The following LRRTM4 variants were observed in gnomAD, a reference collection of about 807,000 sequenced individuals.
LRRTM4 encodes the protein leucine-rich repeat transmembrane neuronal protein 4.
A neutral mutation model predicts 47.6 loss-of-function variants in LRRTM4; 25 were observed. The observed-to-expected ratio is 0.53, with a 90% CI of 0.38 to 0.73. The LOEUF is 0.73. Ranked by LOEUF, LRRTM4 falls within the 30% of genes least tolerant of loss-of-function variation. LRRTM4 has a pLI of 0.00. For missense variants in LRRTM4, 638 were observed against 713.4 expected (o/e 0.89, Z 1.20); for synonymous variants, 311 against 269.5 (o/e 1.15, Z -1.51).
intron 3 of LRRTM4, among the ~76,000 whole-genome samples, chr2:77,242,531 C>T (rs1675298405): frequency 6.6e-6 from 1 of 151,932 alleles, no homozygotes; most frequent in African/African-American, 2.4e-5. Context: ...CTCTAAAATA[C>T]ATACAAATGA....
At chr2:76,764,519 T>G (rs575832552) in intron 3 of LRRTM4, among the ~76,000 whole-genome samples, 2 of 152,158 alleles carry the variant, frequency 1.3e-5, no homozygotes, top group South Asian at 4.1e-4. Context: ...TAGTCCCAGC[T>G]ACTCCGGAGG....
chr2:76,810,269 G>A (rs1670694298), intron 3 of LRRTM4, among the ~76,000 whole-genome samples: 1 of 151,970 alleles, frequency 6.6e-6, no homozygotes, highest in Admixed American at 6.6e-5. Flanking sequence ...CGTCTTAAGG[G>A]TAAATTCTAA....
chr2:77,091,639 AT>A (rs1308012344), intron 3 of LRRTM4, among the ~76,000 whole-genome samples: 3 of 148,068 alleles, frequency 2.0e-5, no homozygotes, highest in Non-Finnish European at 4.5e-5. Flanking sequence ...TTTCTTTACT[AT>A]TCCTTTGCAC....
At chr2:76,876,905 A>T (rs184389981) in intron 3 of LRRTM4, among the ~76,000 whole-genome samples, 1 of 152,268 alleles carries the variant, frequency 6.6e-6, no homozygotes, top group East Asian at 1.9e-4. Context: ...TGATGAAGTG[A>T]GAGTCACACT....
intron 3 of LRRTM4, among the ~76,000 whole-genome samples, chr2:76,760,327 G>T (rs1186584355): frequency 6.6e-6 from 1 of 152,084 alleles, no homozygotes; most frequent in East Asian, 1.9e-4. Context: ...AGTCTAATAT[G>T]GAATACAAAG....
chr2:76,774,175 G>A (rs112610732), intron 3 of LRRTM4, among the ~76,000 whole-genome samples: 4 of 146,160 alleles, frequency 2.7e-5, no homozygotes, highest in Non-Finnish European at 4.6e-5. Context: ...AAAGAAAAGG[G>A]AACTTTTTTT....
intron 3 of LRRTM4, among the ~76,000 whole-genome samples, chr2:77,239,248 A>G (rs1235440183): frequency 6.6e-6 from 1 of 151,986 alleles, no homozygotes; most frequent in African/African-American, 2.4e-5. Context: ...TGCATACTAC[A>G]TGGAGCTTAA....
intron 3 of LRRTM4, among the ~76,000 whole-genome samples, chr2:76,837,238 A>G (rs1012877649): frequency 6.6e-6 from 1 of 151,720 alleles, no homozygotes; most frequent in African/African-American, 2.4e-5. Context: ...TATCCCCTTT[A>G]TCATTTTTTA....
chr2:76,992,756 T>C (rs10196630), intron 3 of LRRTM4, among the ~76,000 whole-genome samples: 75,589 of 149,958 alleles, frequency 0.5, 19,712 homozygotes, highest in African/African-American at 0.64. Flanking sequence ...TCATTTTTTA[T>C]AGAATTAGAA....
chr2:76,880,937 T>TGGGAAG (rs971695306), intron 3 of LRRTM4, among the ~76,000 whole-genome samples: 2 of 152,076 alleles, frequency 1.3e-5, no homozygotes, highest in African/African-American at 4.8e-5. Context: ...TACAAGAGTC[T>TGGGAAG]GGGAAGGGTA....
chr2:76,987,667 A>T (rs1446093811), intron 3 of LRRTM4, among the ~76,000 whole-genome samples: 1 of 151,960 alleles, frequency 6.6e-6, no homozygotes, highest in African/African-American at 2.4e-5. Flanking sequence ...AATGTATTTT[A>T]GAGTTTTAAG....
chr2:77,376,957 T>C (rs1267709561), intron 3 of LRRTM4, among the ~76,000 whole-genome samples: 1 of 151,918 alleles, frequency 6.6e-6, no homozygotes, highest in East Asian at 1.9e-4. Flanking sequence ...GGGAGATTTG[T>C]CTCTTTCTCC....
rs550061832 is a variant in LRRTM4 at position 77,315,411 on chromosome 2, TATAG to T, written c.1551+202903_1551+202906del. Reference sequence around the variant, plus strand: ...TAACTCATATAACATACATAACTAGTATAGATAGTTTTTGTCACTGAAGGTTTTA... The same window carrying T: ...TAACTCATATAACATACATAACTAGTATAGTTTTTGTCACTGAAGGTTTTA... On this transcript the variant is annotated intron_variant, in intron 3 of 3. Transcript: ENST00000409884. Among the ~76,000 whole-genome samples the T allele has an allele frequency of 5.3e-5, 8 of 152,266 alleles. No homozygotes were observed. In the East Asian group the frequency reaches 9.6e-4, roughly 18 times the overall value.
intron 3 of LRRTM4, among the ~76,000 whole-genome samples, chr2:76,796,019 C>T (rs373600336): frequency 8.0e-6 from 1 of 124,368 alleles, no homozygotes; most frequent in Non-Finnish European, 1.7e-5. Flanking sequence ...CAAGGGGTCA[C>T]GGAGTTCCCT....
At chr2:77,474,620 T>C (rs1241383260) in intron 3 of LRRTM4, among the ~76,000 whole-genome samples, 1 of 152,140 alleles carries the variant, frequency 6.6e-6, no homozygotes, top group Non-Finnish European at 1.5e-5. Context: ...TACCAAATTG[T>C]TAAAAGAAAA....
At chr2:77,056,451 T>C (rs558076526) in intron 3 of LRRTM4, among the ~76,000 whole-genome samples, 1 of 152,120 alleles carries the variant, frequency 6.6e-6, no homozygotes, top group East Asian at 1.9e-4. Context: ...ATATCTAAAA[T>C]ACAAAGTAGG....
At chr2:77,505,272 C>T (rs559593312) in intron 3 of LRRTM4, among the ~76,000 whole-genome samples, 5 of 150,870 alleles carry the variant, frequency 3.3e-5, no homozygotes, top group African/African-American at 9.7e-5. Flanking sequence ...ATATTCCTCA[C>T]CAAAAAAAGA....
At chr2:77,250,834 T>C (rs1372981945) in intron 3 of LRRTM4, among the ~76,000 whole-genome samples, 1 of 152,130 alleles carries the variant, frequency 6.6e-6, no homozygotes, top group East Asian at 1.9e-4. Flanking sequence ...CCGGGCGTGA[T>C]GGCTCACGCC....
At chr2:77,075,695 C>T (rs1680309408) in intron 3 of LRRTM4, among the ~76,000 whole-genome samples, 1 of 151,340 alleles carries the variant, frequency 6.6e-6, no homozygotes, top group East Asian at 1.9e-4. Flanking sequence ...GCGGGCAGAT[C>T]ACGAGGTCAG....
Sources: allele counts gnomAD v4.1 joint callset (sites outside exome capture counted in the v4.1 genomes callset), GRCh38; gene constraint gnomAD v4.1.1; transcripts MANE v1.5; gene names NCBI Gene and HGNC (gene_info 2026-07-23, HGNC 2026-07-21).